The following THAP10 variants were observed in gnomAD, a reference collection of about 807,000 sequenced individuals.
THAP10 encodes the protein THAP domain-containing protein 10.
A neutral mutation model predicts 15.7 loss-of-function variants in THAP10; 10 were observed. The observed-to-expected ratio is 0.64, with a 90% CI of 0.39 to 1.08. THAP10 has a LOEUF of 1.08. THAP10 is among the 50% of genes least tolerant of loss of function. The probability of loss-of-function intolerance (pLI) is 0.01; values close to 1 mark genes in which losing one functional copy is unlikely to be tolerated. For synonymous variants in THAP10, 127 were observed against 129.1 expected (o/e 0.98, Z 0.11); for missense variants, 310 against 330.9 (o/e 0.94, Z 0.49).
rs1483656363 is a variant in THAP10, at chr15:70,882,899, C to T, written c.439G>A (p.Glu147Lys). The change falls in exon 2 of 3, where the codon GAA (glutamate) becomes AAA (lysine). Residue 147 changes from glutamate to lysine, a missense_variant. Coordinates refer to ENST00000249861, the MANE Select transcript of THAP10 (RefSeq NM_020147.4). The part of the protein sequence containing the change: ...KQAAASQITC[E>K]NELVQTQPHA... Reference sequence around the variant, plus strand: ...GGTTGGGTTTGCACAAGTTCATTTTCACACGTAATCTAAAAATACAAATCA... The same window carrying T: ...GGTTGGGTTTGCACAAGTTCATTTTTACACGTAATCTAAAAATACAAATCA... 6.2e-7 allele frequency: 1 copy of T among 1,613,832 alleles called. No individual in the cohort carries two copies. The highest frequency in any genetic ancestry group is 1.1e-5 in the South Asian group (1 of 90,978).
chr15:70,886,780 C>T (rs2033419896), intron 1 of THAP10, among the ~76,000 whole-genome samples: 1 of 151,906 alleles, frequency 6.6e-6, no homozygotes, highest in Non-Finnish European at 1.5e-5. Flanking sequence ...ACAGGAGAAT[C>T]GCTTGAACCC....
chr15:70,886,145 T>C (rs2033401179), intron 1 of THAP10, among the ~76,000 whole-genome samples: 2 of 152,180 alleles, frequency 1.3e-5, no homozygotes, highest in Admixed American at 1.3e-4. Flanking sequence ...AAATACTGCA[T>C]ACCTAAAACT....
chr15:70,888,826 T>G (rs896827709), intron 1 of THAP10, among the ~76,000 whole-genome samples: 5 of 152,202 alleles, frequency 3.3e-5, no homozygotes, highest in African/African-American at 2.4e-5. Context: ...GAAGGCTACC[T>G]AAATATCCAA....
intron 1 of THAP10, among the ~76,000 whole-genome samples, chr15:70,888,456 G>A (rs1221912721): frequency 6.6e-6 from 1 of 152,106 alleles, no homozygotes; most frequent in African/African-American, 2.4e-5. Context: ...AGTCAAATGG[G>A]TATCAATGTT....
Position 70,881,754 on chromosome 15 carries a change from TTCTAA to T in THAP10, c.*695_*699del, listed in dbSNP as rs1390309108. The T allele has an allele frequency of 2.0e-5, 3 of 152,230 alleles. No individual in the cohort carries two copies. The highest frequency in any genetic ancestry group is 7.2e-5 in the African/African-American group (3 of 41,462). The allele number at this position is 152,230 out of a possible 1,614,324, so 9.4% of individuals were successfully genotyped here. A position where few individuals can be genotyped will look rare whatever the true frequency, so the allele number is the denominator to read the frequency against. ...CTTTTATTTTTCATGATGTTAATGA[TTCTAA>T]TCTAAATTAATCAAGCTAATTAATG... On this transcript the variant is annotated 3_prime_UTR_variant, in exon 3 of 3. Transcript: ENST00000249861.
At chr15:70,890,012 T>G (rs2033510845) in intron 1 of THAP10, among the ~76,000 whole-genome samples, 1 of 152,244 alleles carries the variant, frequency 6.6e-6, no homozygotes, top group South Asian at 2.1e-4. Context: ...AGTATATTAA[T>G]GTACTATGGA....
chr15:70,882,558 C>T lies in THAP10; in HGVS notation c.670G>A (p.Asp224Asn), dbSNP rs200034991. The change falls in exon 3 of 3, where the codon GAC (aspartate) becomes AAC (asparagine). Residue 224 changes from aspartate to asparagine, a missense_variant. Transcript: ENST00000249861. ...ELWSRTSSLFDIYSSDSETDT... is the reference protein window; with the variant it reads ...ELWSRTSSLFNIYSSDSETDT... ...GTTTCTGAATCACTGGAGTAAATGT[C>T]AAAGAGAGAGGAAGTTCTAGACCAC... 1.2e-6 allele frequency: 2 copies of T among 1,613,908 alleles called. No individual in the cohort carries two copies. Among genetic ancestry groups the T allele is most frequent in the Non-Finnish European group, 1.7e-6 (2 of 1,179,874 alleles).
chr15:70,883,567 TCTTTATA>T (rs1453347508), intron 1 of THAP10, among the ~76,000 whole-genome samples: 1 of 152,162 alleles, frequency 6.6e-6, no homozygotes, highest in Non-Finnish European at 1.5e-5. Flanking sequence ...AATCATTTGT[TCTTTATA>T]CTTTATAGAA....
Position 70,892,156 on chromosome 15 carries a change from A to G in THAP10, c.117T>C (p.Gly39=), listed in dbSNP as rs2955035. The change falls in exon 1 of 3, where the codon GGT becomes GGC. Residue 39 remains glycine (G), a synonymous_variant. Transcript: ENST00000249861. ...VRLLWDRFVR[G]CRADWYGGND... ...TGCCTCCGTACCAGTCGGCGCGGCA[A>G]CCCCGCACGAAGCGGTCCCAGAGCA... 703,344 of 1,611,494 alleles carry G rather than the reference A, an allele frequency of 0.44. 159,571 individuals are homozygous for G. The highest frequency in any genetic ancestry group is 0.71 in the African/African-American group (53,306 of 74,988).
intron 1 of THAP10, among the ~76,000 whole-genome samples, chr15:70,883,567 T>C (rs1038381423): frequency 6.6e-6 from 1 of 152,162 alleles, no homozygotes; most frequent in African/African-American, 2.4e-5. Context: ...AATCATTTGT[T>C]CTTTATACTT....
chr15:70,882,132 G>C lies in THAP10; in HGVS notation c.*322C>G. The C allele has an allele frequency of 4.5e-6, 1 of 223,104 alleles. No individual in the cohort carries two copies. 13.8% of individuals were successfully genotyped at this position (223,104 alleles called of 1,614,324 possible). ...CAAGTCCTGTAGGAGCGTTGCTTCT[G>C]AACTAAGCTTAAACAAATATTCAAT... is the stretch of plus-strand genomic sequence containing the variant. On this transcript the variant is annotated 3_prime_UTR_variant, in exon 3 of 3. Transcript: ENST00000249861.
chr15:70,888,055 G>C (rs971671805), intron 1 of THAP10, among the ~76,000 whole-genome samples: 4 of 152,066 alleles, frequency 2.6e-5, no homozygotes, highest in African/African-American at 9.7e-5. Context: ...CAAATAAATG[G>C]AGATATATGT....
chr15:70,885,162 AC>A (rs2033372289), intron 1 of THAP10, among the ~76,000 whole-genome samples: 1 of 152,188 alleles, frequency 6.6e-6, no homozygotes, highest in East Asian at 1.9e-4. Context: ...ATTTCCAGGC[AC>A]GTATTAATCC....
rs1357217525 is a variant in THAP10 at position 70,892,057 on chromosome 15, G to T, written c.216C>A (p.Asn72Lys). 6.2e-7 allele frequency: 1 copy of T among 1,613,824 alleles called. No individual in the cohort carries two copies. The highest frequency in any genetic ancestry group is 8.5e-7 in the Non-Finnish European group (1 of 1,179,882). ...CFDVSSVIQK[N>K]LRFSQRLRLV... The stretch of plus-strand genomic sequence containing the variant: ...GCCTCAGGCGCTGGGAGAAGCGCAG[G>T]TTCTTCTGGATAACCGAAGAGACGT... The change falls in exon 1 of 3, where the codon AAC becomes AAA. Residue 72 changes from asparagine (N) to lysine (K), a missense_variant. Asn to Lys is a moderately conservative substitution (Grantham distance 94, BLOSUM62 0). Transcript: ENST00000249861.
chr15:70,882,667 A>G lies in THAP10; in HGVS notation c.578-17T>C, dbSNP rs150292756. The G allele has an allele frequency of 2.4e-3, 3,942 of 1,612,760 alleles. 104 individuals are homozygous for G. In the African/African-American group the frequency reaches 0.046, roughly 19 times the overall value. Reference sequence around the variant, plus strand: ...CTTGAATACCTGAAAGAGAATAAGCATAAGTACCTATGAGTTAGACTTTGC... The same window carrying G: ...CTTGAATACCTGAAAGAGAATAAGCGTAAGTACCTATGAGTTAGACTTTGC... On this transcript the variant is annotated splice_polypyrimidine_tract_variant and intron_variant, in intron 2 of 2. Transcript: ENST00000249861.
intron 1 of THAP10, among the ~76,000 whole-genome samples, chr15:70,890,534 G>C (rs2033527565): frequency 6.6e-6 from 1 of 152,190 alleles, no homozygotes; most frequent in Non-Finnish European, 1.5e-5. Flanking sequence ...CTCTCATGGA[G>C]CTTACATTCT....
At chr15:70,890,185 T>G (rs898389626) in intron 1 of THAP10, among the ~76,000 whole-genome samples, 3 of 152,220 alleles carry the variant, frequency 2.0e-5, no homozygotes, top group South Asian at 2.1e-4. Flanking sequence ...TGTGTAATTA[T>G]GAAGAAGAAA....
In THAP10 at chr15:70,883,486, G is replaced by T. The variant is rs191179435; in HGVS notation, c.430-578C>A. On this transcript the variant is annotated intron_variant, in intron 1 of 2. Coordinates refer to ENST00000249861, the MANE Select transcript of THAP10 (RefSeq NM_020147.4). ...TGGGTTTACAGGCGTGAGGCACCTC[G>T]CCCAACCAAGATGATACTATCAGTA... Among the ~76,000 whole-genome samples the T allele has an allele frequency of 2.0e-5, 3 of 152,010 alleles. No individual in the cohort carries two copies. The East Asian group carries it at 5.8e-4, about 30-fold the overall frequency.
chr15:70,889,406 G>A (rs999531149), intron 1 of THAP10, among the ~76,000 whole-genome samples: 1 of 152,146 alleles, frequency 6.6e-6, no homozygotes, highest in Non-Finnish European at 1.5e-5. Flanking sequence ...GGAGAGGGGA[G>A]GGGCTGGATA....
Sources: gnomAD v4.1 joint callset for allele counts (sites outside exome capture counted in the v4.1 genomes callset) on GRCh38, gnomAD v4.1.1 for gene constraint, MANE v1.5 for transcripts, NCBI Gene and HGNC (gene_info 2026-07-23, HGNC 2026-07-21) for gene names.